CCPG1: variants seen among roughly 807,000 people sequenced by gnomAD.
The protein encoded by CCPG1 is cell cycle progression 1, also known as cell cycle progression protein 1.
In CCPG1, 46 loss-of-function variants were observed where a neutral mutation model predicts 81.3. The ratio of observed to expected loss-of-function variants is 0.57; its 90% CI spans 0.45 to 0.72. The LOEUF (loss-of-function observed/expected upper bound fraction) is 0.72. Among genes scored for constraint, CCPG1 ranks in the 30% least tolerant of loss-of-function variants. The probability of loss-of-function intolerance (pLI) is 0.00; values close to 1 mark genes in which losing one functional copy is unlikely to be tolerated. For synonymous variants in CCPG1, 330 were observed against 305.2 expected (o/e 1.08, Z -0.85); for missense variants, 902 against 937.6 (o/e 0.96, Z 0.50).
intron 1 of CCPG1, among the ~76,000 whole-genome samples, chr15:55,402,525 A>C (rs2057146907): frequency 6.6e-6 from 1 of 152,150 alleles, no homozygotes; most frequent in Non-Finnish European, 1.5e-5. Context: ...CACCACACCC[A>C]GCCAATATGT....
chr15:55,380,366 G>A (rs1450285814), intron 3 of CCPG1, among the ~76,000 whole-genome samples: 2 of 151,128 alleles, frequency 1.3e-5, no homozygotes, highest in Non-Finnish European at 2.9e-5. Context: ...CGCCGTCTCG[G>A]CTCACTGCAA....
In CCPG1 at chr15:55,374,128, G is replaced by GA. The variant is rs1396156956; in HGVS notation, c.455-2085dup. On this transcript the variant is annotated intron_variant, in intron 5 of 8. Coordinates refer to ENST00000442196, the MANE Select transcript of CCPG1 (RefSeq NM_001204450.2). ...GTGACTAGGCACACTCAGCTCTAGAGAAGCTGGTCAGATTTAGTCACACCA... is the reference window on the plus strand; with the variant it reads ...GTGACTAGGCACACTCAGCTCTAGAGAAAGCTGGTCAGATTTAGTCACACCA... The GA allele has an allele frequency of 2.5e-6, 3 of 1,222,942 alleles. No individual in the cohort carries two copies. In the African/African-American group the frequency reaches 4.6e-5, roughly 19 times the overall value. The allele number at this position is 1,222,942 out of a possible 1,614,324, so 75.8% of individuals were successfully genotyped here. A position where few individuals can be genotyped will look rare whatever the true frequency, so the allele number is the denominator to read the frequency against.
At chr15:55,380,465 T>C (rs907512874) in intron 3 of CCPG1, among the ~76,000 whole-genome samples, 2 of 151,246 alleles carry the variant, frequency 1.3e-5, no homozygotes, top group Non-Finnish European at 2.9e-5. Context: ...CCGGCTAATT[T>C]TTTGTATTTT....
At chr15:55,394,222 G>A (rs2056975612) in intron 1 of CCPG1, among the ~76,000 whole-genome samples, 1 of 152,184 alleles carries the variant, frequency 6.6e-6, no homozygotes. Flanking sequence ...CTGGGCTCAA[G>A]TGATCCACCC....
intron 7 of CCPG1, among the ~76,000 whole-genome samples, chr15:55,364,115 C>G (rs1380443097): frequency 6.6e-6 from 1 of 150,406 alleles, no homozygotes; most frequent in Non-Finnish European, 1.5e-5. Context: ...CCAGACATAG[C>G]TTATTTTTCT....
Position 55,356,385 on chromosome 15 carries a change from C to T in CCPG1, c.2259G>A (p.Met753Ile), listed in dbSNP as rs774250427. 4 of 1,532,466 alleles carry T rather than the reference C, an allele frequency of 2.6e-6. No homozygotes were observed. Among genetic ancestry groups the T allele is most frequent in the East Asian group, 2.4e-5 (1 of 40,854 alleles). 94.9% of individuals were successfully genotyped at this position (1,532,466 alleles called of 1,614,324 possible). A position where few individuals can be genotyped will look rare whatever the true frequency, so the allele number is the denominator to read the frequency against. Residue 753 changes from methionine to isoleucine, a missense_variant, in exon 9 of 9, where the codon ATG (methionine) becomes ATA (isoleucine). Met to Ile is a conservative substitution (Grantham distance 10). Around this residue, in one of 3 missense-constraint regions of CCPG1, gnomAD observed 128 missense variants for 161.2 expected, o/e 0.79. Coordinates refer to ENST00000442196, the MANE Select transcript of CCPG1 (RefSeq NM_001204450.2). The stretch of plus-strand genomic sequence containing the variant: ...GATGCCTGGAGTTTTCAATATTTAC[C>T]ATACGTTGCTTTTTATCAGGTCGAC... Reference protein sequence around the residue: ...GPSRPDKKQRMVNIENSRHRK... With the variant: ...GPSRPDKKQRIVNIENSRHRK...
intron 3 of CCPG1, among the ~76,000 whole-genome samples, chr15:55,381,398 T>C (rs2056692257): frequency 6.6e-6 from 1 of 152,184 alleles, no homozygotes; most frequent in African/African-American, 2.4e-5. Context: ...ATTGCGCCAC[T>C]GCACTCCAGC....
Position 55,377,129 on chromosome 15 carries a change from C to G in CCPG1, c.274G>C (p.Glu92Gln). 1 of 1,612,242 alleles carries G rather than the reference C, an allele frequency of 6.2e-7. No homozygotes were observed. The highest frequency in any genetic ancestry group is 8.5e-7 in the Non-Finnish European group (1 of 1,178,588). Reference sequence around the variant, plus strand: ...GCAGTTCCAATATAGATACTGTCTTCGGGTATCTTTTGTTCCTCTGCCTGA... The same window carrying G: ...GCAGTTCCAATATAGATACTGTCTTGGGGTATCTTTTGTTCCTCTGCCTGA... The part of the protein sequence containing the change: ...TIEAEEQKIP[E>Q]DSIYIGTASD... Residue 92 changes from glutamate to glutamine, a missense_variant, in exon 5 of 9, where the codon GAA (glutamate) becomes CAA (glutamine). Around this residue, in one of 3 missense-constraint regions of CCPG1, gnomAD observed 746 missense variants for 728.6 expected, o/e 1.02. Transcript: ENST00000442196.
At chr15:55,391,802 G>A (rs927081643) in intron 1 of CCPG1, among the ~76,000 whole-genome samples, 1 of 145,360 alleles carries the variant, frequency 6.9e-6, no homozygotes, top group South Asian at 2.2e-4. Context: ...GCTGTTAAGA[G>A]CCATAATGAT....
At chr15:55,357,937 A>G (rs1160497871) in intron 8 of CCPG1, 1 of 152,214 alleles carries the variant, frequency 6.6e-6, no homozygotes, top group Non-Finnish European at 1.5e-5. Flanking sequence ...GCTCCATCCC[A>G]CATGGGATGT....
intron 5 of CCPG1, chr15:55,372,367 A>AT (rs2056468667): frequency 3.5e-6 from 1 of 285,202 alleles, no homozygotes; most frequent in Non-Finnish European, 6.7e-6. Flanking sequence ...CATAGCCTCA[A>AT]GTTTCATTGC....
chr15:55,372,325 T>G (rs2056467312), intron 5 of CCPG1: 1 of 432,668 alleles, frequency 2.3e-6, no homozygotes, highest in Non-Finnish European at 4.2e-6. Context: ...CCTCGCCTTA[T>G]AGTTTACACT....
intron 4 of CCPG1, 72 bp downstream of exon 4, chr15:55,378,228 G>T (rs1223059364): frequency 2.1e-5 from 19 of 921,102 alleles, no homozygotes; most frequent in Non-Finnish European, 3.0e-5. Flanking sequence ...TGCATAAATA[G>T]AATTAGAGGC....
intron 1 of CCPG1, among the ~76,000 whole-genome samples, chr15:55,401,614 C>T (rs1048648884): frequency 3.3e-5 from 5 of 151,106 alleles, no homozygotes; most frequent in Non-Finnish European, 5.9e-5. Context: ...TGCAGTGAGC[C>T]GAGACCACGC....
chr15:55,362,037 G>A (rs963418527), intron 7 of CCPG1, among the ~76,000 whole-genome samples: 4 of 152,142 alleles, frequency 2.6e-5, no homozygotes, highest in Admixed American at 6.5e-5. Context: ...GTCAGCACCC[G>A]TGGTAGAAAT....
intron 7 of CCPG1, among the ~76,000 whole-genome samples, chr15:55,362,308 T>A (rs2056218492): frequency 6.7e-6 from 1 of 148,984 alleles, no homozygotes; most frequent in African/African-American, 2.5e-5. Context: ...AGCAGTCAAT[T>A]ACCTGGATTC....
At chr15:55,382,577 T>A (rs1595848213) in intron 3 of CCPG1, among the ~76,000 whole-genome samples, 1 of 151,620 alleles carries the variant, frequency 6.6e-6, no homozygotes, top group Non-Finnish European at 1.5e-5. Context: ...TGGCGCGATC[T>A]TGGCTCACTG....
intron 1 of CCPG1, among the ~76,000 whole-genome samples, chr15:55,401,967 C>CA (rs1296446965): frequency 6.6e-6 from 1 of 152,154 alleles, no homozygotes; most frequent in African/African-American, 2.4e-5. Flanking sequence ...TCCATGTCTT[C>CA]ACTTCCTGAA....
intron 1 of CCPG1, among the ~76,000 whole-genome samples, chr15:55,398,508 G>A (rs2057065440): frequency 6.6e-6 from 1 of 152,036 alleles, no homozygotes; most frequent in Non-Finnish European, 1.5e-5. Context: ...TTTCACCTCC[G>A]CCAAAGGATA....
Sources: allele counts gnomAD v4.1 joint callset (sites outside exome capture counted in the v4.1 genomes callset), GRCh38; gene constraint gnomAD v4.1.1; regional missense constraint gnomAD v4.1.1; transcripts MANE v1.5; gene names NCBI Gene and HGNC (gene_info 2026-07-23, HGNC 2026-07-21).